The following DNAH14 variants were observed in gnomAD, a reference collection of about 807,000 sequenced individuals.
DNAH14 encodes the protein axonemal beta dynein heavy chain 14.
Under a neutral mutation model 520.9 loss-of-function variants are expected in DNAH14, and 478 were observed. The observed-to-expected ratio is 0.92, with a 90% CI of 0.85 to 0.99. The LOEUF is 0.99. Among genes scored for constraint, DNAH14 ranks in the 50% least tolerant of loss-of-function variants. The pLI, the probability that DNAH14 is intolerant of heterozygous loss-of-function variation, is 0.00. For missense variants in DNAH14, 4,831 were observed against 5,234.5 expected, an observed-to-expected ratio of 0.92 and a Z score of 2.38; for synonymous variants, 1,581 against 1,757.2, an observed-to-expected ratio of 0.90 and a Z score of 2.51.
intron 60 of DNAH14, among the ~76,000 whole-genome samples, chr1:225,318,297 C>T (rs763207064): frequency 1.3e-5 from 2 of 152,174 alleles, no homozygotes; most frequent in Non-Finnish European, 2.9e-5. Context: ...CTCAAAAGGG[C>T]ATTGTTAATT....
chr1:225,159,454 C>T lies in DNAH14; in HGVS notation c.5414C>T (p.Thr1805Ile), dbSNP rs996058741. ...NIIGDIFPEV[T>I]VLKVNQLALE... Reference sequence around the variant, plus strand: ...ATAGGAGATATTTTTCCAGAAGTGACAGTTTTGAAAGTAAATCAACTTGCC... The same window carrying T: ...ATAGGAGATATTTTTCCAGAAGTGATAGTTTTGAAAGTAAATCAACTTGCC... Residue 1805 changes from threonine to isoleucine, a missense_variant, in exon 35 of 86, where the codon ACA becomes ATA. Transcript: ENST00000682510. The T allele has an allele frequency of 8.5e-6, 13 of 1,537,218 alleles. No homozygotes were observed. Among genetic ancestry groups the T allele is most frequent in the African/African-American group, 1.4e-5 (1 of 72,088 alleles).
chr1:225,329,798 A>G (rs887116559), intron 64 of DNAH14, among the ~76,000 whole-genome samples: 12 of 152,238 alleles, frequency 7.9e-5, no homozygotes, highest in Admixed American at 6.5e-4. Context: ...AACACGGGCT[A>G]ATGGGATCAC....
intron 1 of DNAH14, among the ~76,000 whole-genome samples, chr1:224,931,496 T>C (rs1160858273): frequency 6.6e-6 from 1 of 152,190 alleles, no homozygotes; most frequent in Non-Finnish European, 1.5e-5. Context: ...TACATTTTAC[T>C]CCACTATCAA....
intron 36 of DNAH14, among the ~76,000 whole-genome samples, chr1:225,168,568 G>C (rs1274587433): frequency 6.6e-6 from 1 of 152,200 alleles, no homozygotes; most frequent in African/African-American, 2.4e-5. Flanking sequence ...ACAGCAGTCG[G>C]AGATCAAACT....
chr1:225,350,519 A>G (rs907013910), intron 71 of DNAH14, among the ~76,000 whole-genome samples: 41 of 152,188 alleles, frequency 2.7e-4, no homozygotes, highest in African/African-American at 9.1e-4. Flanking sequence ...TCAGTTAACT[A>G]AGAAAAAAGA....
intron 30 of DNAH14, among the ~76,000 whole-genome samples, chr1:225,146,670 A>C (rs1237311295): frequency 1.3e-5 from 2 of 152,176 alleles, no homozygotes; most frequent in African/African-American, 4.8e-5. Context: ...CCCGCCACTA[A>C]GCCATAAGGC....
chr1:225,086,990 C>CCACACACACACACA, intron 21 of DNAH14, among the ~76,000 whole-genome samples: 1 of 146,874 alleles, frequency 6.8e-6, no homozygotes, highest in South Asian at 2.2e-4. Flanking sequence ...GAAAAGAACA[C>CCACACACACACACA]CACACACACA....
At position 225,033,478 on chromosome 1, in the gene DNAH14, T is replaced by C. The variant is rs114481325; in HGVS notation, c.1359-5216T>C. On this transcript the variant is annotated intron_variant, in intron 11 of 85. Coordinates refer to ENST00000682510, the MANE Select transcript of DNAH14 (RefSeq NM_001367479.1). ...CAGTACCATTCTCTTTTGGTCACTG[T>C]AGCCTTGTAGTGTAGTTTGAAGTTG... Among the ~76,000 whole-genome samples, 689 of 152,244 alleles carry C rather than the reference T, an allele frequency of 4.5e-3. 4 individuals carry two copies. The highest frequency in any genetic ancestry group is 8.0e-3 in the Non-Finnish European group (544 of 68,016).
chr1:224,954,876 T>A (rs563839680), intron 2 of DNAH14, 83 bp from the exon 3 acceptor site: 1 of 1,070,798 alleles, frequency 9.3e-7, no homozygotes, highest in Non-Finnish European at 1.4e-6. Context: ...AAATGTGAAA[T>A]TTTGGTAATA....
intron 30 of DNAH14, among the ~76,000 whole-genome samples, chr1:225,146,044 A>G (rs2079908035): frequency 6.6e-6 from 1 of 152,210 alleles, no homozygotes; most frequent in African/African-American, 2.4e-5. Context: ...ATATCAACAT[A>G]AATAAGTTGA....
chr1:225,351,466 C>T (rs770084057), intron 71 of DNAH14, among the ~76,000 whole-genome samples, 181 bp from the exon 72 acceptor site: 4 of 151,884 alleles, frequency 2.6e-5, no homozygotes, highest in South Asian at 2.1e-4. Flanking sequence ...TTACCTCTTA[C>T]GTAATTTTTA....
intron 17 of DNAH14, among the ~76,000 whole-genome samples, chr1:225,057,185 G>A (rs181610440): frequency 4.6e-5 from 7 of 152,288 alleles, no homozygotes; most frequent in Admixed American, 3.9e-4. Flanking sequence ...TCTTCCATTT[G>A]TTTGTATCCT....
chr1:225,171,429 A>G (rs1559171064), intron 36 of DNAH14, among the ~76,000 whole-genome samples: 2 of 152,192 alleles, frequency 1.3e-5, no homozygotes. Flanking sequence ...AAAAAATGAT[A>G]AAGGGGATAT....
intron 37 of DNAH14, among the ~76,000 whole-genome samples, chr1:225,188,451 T>C (rs568230334): frequency 6.6e-6 from 1 of 151,962 alleles, no homozygotes; most frequent in Non-Finnish European, 1.5e-5. Context: ...TGTTAACATC[T>C]TACTGTGCCT....
intron 43 of DNAH14, among the ~76,000 whole-genome samples, chr1:225,245,854 A>T (rs1241537937): frequency 6.6e-6 from 1 of 152,176 alleles, no homozygotes; most frequent in Non-Finnish European, 1.5e-5. Flanking sequence ...TACTTTCTTC[A>T]CAGAATTAGG....
chr1:225,250,859 G>A (rs1160194348), intron 43 of DNAH14, among the ~76,000 whole-genome samples: 2 of 152,212 alleles, frequency 1.3e-5, no homozygotes, highest in East Asian at 1.9e-4. Flanking sequence ...ATTAGGGTAA[G>A]TATATCATTG....
intron 51 of DNAH14, among the ~76,000 whole-genome samples, chr1:225,272,539 G>C (rs748062651): frequency 3.9e-5 from 6 of 152,136 alleles, no homozygotes; most frequent in Non-Finnish European, 7.3e-5. Context: ...CTAACTGTGG[G>C]ACTTTAGCCC....
chr1:225,361,748 A>G lies in DNAH14; in HGVS notation c.11987+857A>G, dbSNP rs139077971. On this transcript the variant is annotated intron_variant, in intron 75 of 85. Coordinates refer to ENST00000682510, the MANE Select transcript of DNAH14 (RefSeq NM_001367479.1). Reference sequence around the variant, plus strand: ...TTTAAAAACTATACCAGCGGGGCACAGTGGCTCACGCCTATAGTCCCAATG... The same window carrying G: ...TTTAAAAACTATACCAGCGGGGCACGGTGGCTCACGCCTATAGTCCCAATG... Among the ~76,000 whole-genome samples the G allele has an allele frequency of 8.5e-4, 130 of 152,352 alleles. 1 individual carries two copies. The Middle Eastern group carries it at 0.017, about 20-fold the overall frequency.
chr1:225,221,143 C>T (rs1365808324), intron 41 of DNAH14, among the ~76,000 whole-genome samples: 2 of 152,132 alleles, frequency 1.3e-5, no homozygotes, highest in Non-Finnish European at 2.9e-5. Flanking sequence ...ACACCTTATA[C>T]AAAAATTAAC....
Sources: allele counts gnomAD v4.1 joint callset (sites outside exome capture counted in the v4.1 genomes callset), GRCh38; gene constraint gnomAD v4.1.1; transcripts MANE v1.5; gene names NCBI Gene and HGNC (gene_info 2026-07-23, HGNC 2026-07-21).